Variants in C9orf152 observed in about 807,000 individuals in gnomAD.
The protein encoded by C9orf152 is chromosome 9 open reading frame 152.
A neutral mutation model predicts 8.5 loss-of-function variants in C9orf152; 8 were observed. That is an observed-to-expected ratio of 0.94 (90% CI 0.55 to 1.70). The LOEUF is 1.70. Ranked by LOEUF, C9orf152 falls within the 40% of genes most tolerant of loss-of-function variation. The pLI, the probability that C9orf152 is intolerant of heterozygous loss-of-function variation, is 0.00. For synonymous variants in C9orf152, 109 were observed against 113.0 expected, an observed-to-expected ratio of 0.96 and a Z score of 0.22; for missense variants, 293 against 286.2, an observed-to-expected ratio of 1.02 and a Z score of -0.17.
intron 1 of C9orf152, among the ~76,000 whole-genome samples, chr9:110,207,051 G>C (rs1837280667): frequency 6.6e-6 from 1 of 152,224 alleles, no homozygotes; most frequent in Non-Finnish European, 1.5e-5. Context: ...TGGTTTGTAG[G>C]AGGTGCCTTA....
At chr9:110,207,093 C>T (rs1837281180) in intron 1 of C9orf152, among the ~76,000 whole-genome samples, 2 of 152,202 alleles carry the variant, frequency 1.3e-5, no homozygotes, top group African/African-American at 4.8e-5. Flanking sequence ...GAGCTCCTAT[C>T]GCCATACCTG....
At chr9:110,202,455 C>T (rs1260767778) in intron 1 of C9orf152, among the ~76,000 whole-genome samples, 2 of 152,168 alleles carry the variant, frequency 1.3e-5, no homozygotes, top group Non-Finnish European at 2.9e-5. Flanking sequence ...GAAGCAGCTC[C>T]CTTTAGAGAA....
intron 1 of C9orf152, among the ~76,000 whole-genome samples, chr9:110,205,156 C>T (rs151132296): frequency 1.6e-3 from 240 of 152,188 alleles, no homozygotes; most frequent in Non-Finnish European, 2.6e-3. Flanking sequence ...GATGAATAAC[C>T]CCAAATCTAG....
chr9:110,201,732 G>T (rs1056025202), intron 1 of C9orf152, among the ~76,000 whole-genome samples: 6 of 152,074 alleles, frequency 3.9e-5, no homozygotes, highest in African/African-American at 1.2e-4. Flanking sequence ...CTTAATATGT[G>T]CCAGGCATTA....
At chr9:110,203,980 AGGTCT>A (rs942555978) in intron 1 of C9orf152, among the ~76,000 whole-genome samples, 1 of 152,278 alleles carries the variant, frequency 6.6e-6, no homozygotes. Context: ...GGAAGACATG[AGGTCT>A]GGTCCTGAGT....
chr9:110,202,544 C>T (rs1258782688), intron 1 of C9orf152, among the ~76,000 whole-genome samples: 3 of 152,150 alleles, frequency 2.0e-5, no homozygotes, highest in Admixed American at 2.0e-4. Flanking sequence ...TCAGAACTGG[C>T]TTTAGGGTGA....
chr9:110,201,235 C>T lies in C9orf152; in HGVS notation c.433G>A (p.Val145Met), dbSNP rs1197023086. ...GGAGGGAGCCTTTGATCAGATCCCA[C>T]AAGCTTGCCCCTATGATGTACTTGA... ...SHQVHHRGKLVGSDQRLPPEG... is the reference protein window; with the variant it reads ...SHQVHHRGKLMGSDQRLPPEG... Residue 145 changes from valine to methionine, a missense_variant, in exon 2 of 2, where the codon GTG (valine) becomes ATG (methionine). By Grantham distance (21) the Val-to-Met change is conservative. Coordinates refer to ENST00000400613, the MANE Select transcript of C9orf152 (RefSeq NM_001012993.3). 1.2e-6 allele frequency: 2 copies of T among 1,614,138 alleles called. No homozygotes were observed. The highest frequency in any genetic ancestry group is 1.7e-4 in the Middle Eastern group (1 of 6,060).
Position 110,201,438 on chromosome 9 carries a change from T to C in C9orf152, c.230A>G (p.Asn77Ser), listed in dbSNP as rs1038984113. Residue 77 changes from asparagine (N) to serine (S), a missense_variant, in exon 2 of 2, where the codon AAT (asparagine) becomes AGT (serine). Asn to Ser is a conservative substitution (Grantham distance 46, BLOSUM62 1). Transcript: ENST00000400613. Reference protein sequence around the residue: ...NTPAPAESMVNAVWINKERRS... With the variant: ...NTPAPAESMVSAVWINKERRS... ...TCTCTCCTTGTTAATCCAAACAGCA[T>C]TGACCATCGATTCTGCAGGAGCAGG... The C allele has an allele frequency of 2.0e-6, 3 of 1,525,064 alleles. No individual in the cohort carries two copies. In the African/African-American group the frequency reaches 4.2e-5, roughly 21 times the overall value. The allele number at this position is 1,525,064 out of a possible 1,614,324, so 94.5% of individuals were successfully genotyped here.
chr9:110,207,760 G>A lies in C9orf152; in HGVS notation c.-181C>T, dbSNP rs1276000088. 3.8e-6 allele frequency: 2 copies of A among 530,906 alleles called. No individual in the cohort carries two copies. The highest frequency in any genetic ancestry group is 6.8e-5 in the East Asian group (2 of 29,394). The allele number at this position is 530,906 out of a possible 1,614,324, so 32.9% of individuals were successfully genotyped here. On this transcript the variant is annotated 5_prime_UTR_variant, in exon 1 of 2. Coordinates refer to ENST00000400613, the MANE Select transcript of C9orf152 (RefSeq NM_001012993.3). The stretch of plus-strand genomic sequence containing the variant: ...AGGAGAAAGATGAAGGGGAAGAGGA[G>A]GTAGGGATAGGGAGAAATGTGGGGG...
At chr9:110,203,719 G>A (rs1416457290) in intron 1 of C9orf152, among the ~76,000 whole-genome samples, 1 of 152,210 alleles carries the variant, frequency 6.6e-6, no homozygotes, top group Non-Finnish European at 1.5e-5. Flanking sequence ...GTCAGGGACT[G>A]GAAGGAAATG....
At chr9:110,202,244 A>T (rs558600055) in intron 1 of C9orf152, among the ~76,000 whole-genome samples, 1 of 152,146 alleles carries the variant, frequency 6.6e-6, no homozygotes, top group East Asian at 1.9e-4. Context: ...ACCATGCCTG[A>T]CTACTTTTTG....
At chr9:110,204,720 C>A (rs1394390884) in intron 1 of C9orf152, among the ~76,000 whole-genome samples, 1 of 152,186 alleles carries the variant, frequency 6.6e-6, no homozygotes, top group Non-Finnish European at 1.5e-5. Flanking sequence ...CTCCAGAATT[C>A]TTCAGTTTCT....
rs957588533 is a variant in C9orf152 at position 110,201,492 on chromosome 9, C to T, written c.194-18G>A. On this transcript the variant is annotated intron_variant, in intron 1 of 1. Coordinates refer to ENST00000400613, the MANE Select transcript of C9orf152 (RefSeq NM_001012993.3). ...GTTTCCTCCTGAAAAGAGAATGCAC[C>T]AGCAGGGTCATCACTGGAAGGGACA... 2 of 1,500,408 alleles carry T rather than the reference C, an allele frequency of 1.3e-6. No homozygotes were observed. The highest frequency in any genetic ancestry group is 1.8e-6 in the Non-Finnish European group (2 of 1,133,358). 92.9% of individuals were successfully genotyped at this position (1,500,408 alleles called of 1,614,324 possible).
chr9:110,200,854 A>T lies in C9orf152; in HGVS notation c.*94T>A. 7.9e-7 allele frequency: 1 copy of T among 1,260,944 alleles called. No homozygotes were observed. The highest frequency in any genetic ancestry group is 1.1e-6 in the Non-Finnish European group (1 of 904,156). The allele number at this position is 1,260,944 out of a possible 1,614,324, so 78.1% of individuals were successfully genotyped here. On this transcript the variant is annotated 3_prime_UTR_variant, in exon 2 of 2. Coordinates refer to ENST00000400613, the MANE Select transcript of C9orf152 (RefSeq NM_001012993.3). ...AATTAGGTTAGTCCAGTTCTTGCTCATAGCTAGAGACCTCGTTGTGGCTCT... is the reference window on the plus strand; with the variant it reads ...AATTAGGTTAGTCCAGTTCTTGCTCTTAGCTAGAGACCTCGTTGTGGCTCT...
At position 110,205,829 on chromosome 9, in the gene C9orf152, G is replaced by T. The variant is rs1435216707; in HGVS notation, c.193+1558C>A. The stretch of plus-strand genomic sequence containing the variant: ...AGCACTTTTGAAGGTCGAGGTGGGT[G>T]GATCACCTGAGGTCAGGAGTTCAAG... On this transcript the variant is annotated intron_variant, in intron 1 of 1. Coordinates refer to ENST00000400613, the MANE Select transcript of C9orf152 (RefSeq NM_001012993.3). Among the ~76,000 whole-genome samples the T allele has an allele frequency of 2.0e-5, 3 of 152,030 alleles. No individual in the cohort carries two copies. In the South Asian group the frequency reaches 6.2e-4, roughly 32 times the overall value.
At chr9:110,203,910 C>A (rs912956378) in intron 1 of C9orf152, among the ~76,000 whole-genome samples, 1 of 152,026 alleles carries the variant, frequency 6.6e-6, no homozygotes, top group Non-Finnish European at 1.5e-5. Context: ...AAAGAAGAAT[C>A]GAAATTCACC....
At chr9:110,205,552 A>T (rs1298875800) in intron 1 of C9orf152, among the ~76,000 whole-genome samples, 1 of 152,202 alleles carries the variant, frequency 6.6e-6, no homozygotes, top group African/African-American at 2.4e-5. Context: ...TATACATATT[A>T]GTTCATTTTA....
At position 110,201,425 on chromosome 9, in the gene C9orf152, A is replaced by G. The variant is rs1366107455; in HGVS notation, c.243T>C (p.Ile81=). The change falls in exon 2 of 2, where the codon ATT becomes ATC. Residue 81 remains isoleucine (I), a synonymous_variant. Coordinates refer to ENST00000400613, the MANE Select transcript of C9orf152 (RefSeq NM_001012993.3). ...PAESMVNAVW[I]NKERRSSLSL... ...ACAGTGAGCTTCTTCTCTCCTTGTT[A>G]ATCCAAACAGCATTGACCATCGATT... is the stretch of plus-strand genomic sequence containing the variant. 1.3e-6 allele frequency: 2 copies of G among 1,541,848 alleles called. No homozygotes were observed. Among genetic ancestry groups the G allele is most frequent in the Non-Finnish European group, 1.7e-6 (2 of 1,151,702 alleles).
chr9:110,201,022 A>G lies in C9orf152; in HGVS notation c.646T>C (p.Tyr216His). ...GGTGTTTTCCTCTGGGGAAATGGAT[A>G]GTAAGCTGGTTTGCCAGACCTGTGT... ...NPHRSGKPAY[Y>H]PFPQRKTPRI... Residue 216 changes from tyrosine (Y) to histidine (H), a missense_variant, in exon 2 of 2, where the codon TAT becomes CAT. By Grantham distance (83) the Tyr-to-His change is moderately conservative. Transcript: ENST00000400613. 6.2e-7 allele frequency: 1 copy of G among 1,614,216 alleles called. No individual in the cohort carries two copies. Among genetic ancestry groups the G allele is most frequent in the Non-Finnish European group, 8.5e-7 (1 of 1,180,034 alleles).
Sources: gnomAD v4.1 joint callset for allele counts (sites outside exome capture counted in the v4.1 genomes callset) on GRCh38, gnomAD v4.1.1 for gene constraint, MANE v1.5 for transcripts, NCBI Gene and HGNC (gene_info 2026-07-23, HGNC 2026-07-21) for gene names.